Variants in KCNIP4 observed in about 807,000 individuals in gnomAD.
The protein encoded by KCNIP4 is Kv channel-interacting protein 4.
A neutral mutation model predicts 34.0 loss-of-function variants in KCNIP4; 12 were observed. That is an observed-to-expected ratio of 0.35 (90% CI 0.23 to 0.57). KCNIP4 has a LOEUF of 0.57. Ranked by LOEUF, KCNIP4 falls within the 20% of genes least tolerant of loss-of-function variation. The pLI, the probability that KCNIP4 is intolerant of heterozygous loss-of-function variation, is 0.83. For missense variants in KCNIP4, 238 were observed against 311.7 expected (o/e 0.76, Z 1.78); for synonymous variants, 124 against 102.2 (o/e 1.21, Z -1.29).
At chr4:21,714,786 ATTATTTTATTTT>A (rs1714040488) in intron 1 of KCNIP4, among the ~76,000 whole-genome samples, 1 of 46,250 alleles carries the variant, frequency 2.2e-5, no homozygotes, top group African/African-American at 1.3e-4. Flanking sequence ...TTTCCCTTTG[ATTATTTTATTTT>A]ATTTTATTTT....
intron 1 of KCNIP4, among the ~76,000 whole-genome samples, chr4:21,581,083 C>A (rs1405684380): frequency 1.3e-5 from 2 of 151,956 alleles, no homozygotes; most frequent in Non-Finnish European, 2.9e-5. Context: ...TATAGCCTTG[C>A]AAAGGAAATA....
At chr4:20,983,241 G>A (rs1336330262) in intron 1 of KCNIP4, among the ~76,000 whole-genome samples, 1 of 152,164 alleles carries the variant, frequency 6.6e-6, no homozygotes, top group Non-Finnish European at 1.5e-5. Context: ...GGACACACAT[G>A]AGCAATGAGA....
chr4:21,792,047 C>T (rs1366661839), intron 1 of KCNIP4, among the ~76,000 whole-genome samples: 1 of 143,984 alleles, frequency 6.9e-6, no homozygotes, highest in African/African-American at 2.7e-5. Context: ...CATAGGCACT[C>T]TTCATCCCTA....
intron 1 of KCNIP4, among the ~76,000 whole-genome samples, chr4:20,965,045 A>ATT (rs1402510479): frequency 1.3e-5 from 2 of 152,208 alleles, no homozygotes; most frequent in African/African-American, 4.8e-5. Context: ...GAGAGAAGGC[A>ATT]ACATAAGAAT....
At chr4:20,914,141 G>T (rs978971140) in intron 1 of KCNIP4, among the ~76,000 whole-genome samples, 1 of 151,546 alleles carries the variant, frequency 6.6e-6, no homozygotes, top group South Asian at 2.1e-4. Flanking sequence ...TGGGCAATAA[G>T]AGCGAAACTC....
intron 1 of KCNIP4, among the ~76,000 whole-genome samples, chr4:20,894,133 G>A (rs1418361336): frequency 4.0e-5 from 6 of 151,448 alleles, no homozygotes; most frequent in Admixed American, 6.6e-5. Context: ...CGCACACCTC[G>A]GCCTCCCAAA....
intron 4 of KCNIP4, among the ~76,000 whole-genome samples, chr4:20,755,985 C>G (rs1754393734): frequency 3.3e-5 from 5 of 151,996 alleles, no homozygotes; most frequent in Admixed American, 2.6e-4. Context: ...GGCTTATGTT[C>G]TATGGAATGG....
chr4:21,723,112 C>T (rs1306912833), intron 1 of KCNIP4, among the ~76,000 whole-genome samples: 2 of 152,072 alleles, frequency 1.3e-5, no homozygotes, highest in Admixed American at 6.6e-5. Flanking sequence ...AGATTTGCTG[C>T]CACTGTCCCC....
At chr4:21,620,122 A>G (rs1352871843) in intron 1 of KCNIP4, among the ~76,000 whole-genome samples, 1 of 152,258 alleles carries the variant, frequency 6.6e-6, no homozygotes, top group African/African-American at 2.4e-5. Context: ...AAATCCATGA[A>G]TGGAGTCAGC....
At chr4:20,812,624 C>A (rs897423762) in intron 3 of KCNIP4, among the ~76,000 whole-genome samples, 28 of 152,166 alleles carry the variant, frequency 1.8e-4, no homozygotes, top group African/African-American at 6.8e-4. Flanking sequence ...CTATCCCATT[C>A]TCTTCTATTG....
At chr4:21,042,274 T>C (rs563962429) in intron 1 of KCNIP4, among the ~76,000 whole-genome samples, 2 of 152,286 alleles carry the variant, frequency 1.3e-5, no homozygotes, top group African/African-American at 4.8e-5. Flanking sequence ...AGCTAAGATA[T>C]GGAATCAACC....
intron 1 of KCNIP4, among the ~76,000 whole-genome samples, chr4:21,756,015 GC>G (rs1350362239): frequency 6.6e-6 from 1 of 152,110 alleles, no homozygotes; most frequent in African/African-American, 2.4e-5. Flanking sequence ...AATTTTATCA[GC>G]CCAACTCCTT....
At chr4:20,994,713 C>T (rs547749258) in intron 1 of KCNIP4, among the ~76,000 whole-genome samples, 1 of 152,286 alleles carries the variant, frequency 6.6e-6, no homozygotes, top group African/African-American at 2.4e-5. Context: ...GAAACTACTG[C>T]ATAAGTAGAG....
chr4:20,926,709 C>A (rs1434506271), intron 1 of KCNIP4, among the ~76,000 whole-genome samples: 2 of 152,110 alleles, frequency 1.3e-5, no homozygotes, highest in Non-Finnish European at 1.5e-5. Context: ...GGCACTGGAG[C>A]TTTTTACAGC....
At chr4:21,165,849 G>T (rs148662019) in intron 1 of KCNIP4, among the ~76,000 whole-genome samples, 2 of 152,306 alleles carry the variant, frequency 1.3e-5, no homozygotes, top group East Asian at 3.9e-4. Context: ...AAGAGGTGCG[G>T]CCTTTAAGAG....
intron 1 of KCNIP4, among the ~76,000 whole-genome samples, chr4:21,304,233 G>A (rs764274986): frequency 6.6e-6 from 1 of 152,212 alleles, no homozygotes; most frequent in Non-Finnish European, 1.5e-5. Flanking sequence ...GAGGCCAGAA[G>A]TAGCAGCCGG....
At chr4:20,949,101 C>A (rs1473119054) in intron 1 of KCNIP4, among the ~76,000 whole-genome samples, 1 of 152,142 alleles carries the variant, frequency 6.6e-6, no homozygotes, top group African/African-American at 2.4e-5. Context: ...TGGCCTTTCT[C>A]CTGCTATTCC....
intron 1 of KCNIP4, among the ~76,000 whole-genome samples, chr4:21,072,547 C>A (rs1745058639): frequency 6.6e-6 from 1 of 151,474 alleles, no homozygotes; most frequent in Non-Finnish European, 1.5e-5. Flanking sequence ...GGATATTAGT[C>A]CTTTGTCAGA....
At chr4:20,871,031 T>C (rs965191585) in intron 2 of KCNIP4, among the ~76,000 whole-genome samples, 8 of 152,142 alleles carry the variant, frequency 5.3e-5, no homozygotes, top group African/African-American at 1.9e-4. Flanking sequence ...ATTTCCTCTG[T>C]GATATAAACA....
Sources: allele counts gnomAD v4.1 joint callset (sites outside exome capture counted in the v4.1 genomes callset), GRCh38; gene constraint gnomAD v4.1.1; transcripts MANE v1.5; gene names NCBI Gene and HGNC (gene_info 2026-07-23, HGNC 2026-07-21).